SBF1: variants seen among roughly 807,000 people sequenced by gnomAD.
SBF1 encodes myotubularin-related protein 5.
SBF1 carries 65 observed loss-of-function variants against 215.8 expected under a neutral mutation model. The observed-to-expected ratio is 0.30, with a 90% CI of 0.25 to 0.37. SBF1 has a LOEUF of 0.37. Ranked by LOEUF, SBF1 falls within the 10% of genes least tolerant of loss-of-function variation. SBF1 has a pLI of 1.00. For missense variants in SBF1, 2,634 were observed against 2,667.8 expected, an observed-to-expected ratio of 0.99 and a Z score of 0.28; for synonymous variants, 1,410 against 1,122.8, an observed-to-expected ratio of 1.26 and a Z score of -5.11.
rs377712061 is a variant in SBF1 at position 50,460,137 on chromosome 22, G to A, written c.3306C>T (p.Ser1102=). The A allele has an allele frequency of 2.2e-5, 35 of 1,612,090 alleles. No homozygotes were observed. Among genetic ancestry groups the A allele is most frequent in the Non-Finnish European group, 4.2e-6 (5 of 1,179,980 alleles). The stretch of plus-strand genomic sequence containing the variant: ...TCAGGGCTGAGGACGGGGTCAGCGT[G>A]CTGGGCTCCAGCTCCTCCGACACTG... ...EISVSEELEP[S]TLTPSSALKP... Residue 1102 remains serine (S), a synonymous_variant, in exon 26 of 41, where the codon AGC becomes AGT. Coordinates refer to ENST00000380817, the MANE Select transcript of SBF1 (RefSeq NM_002972.4).
At position 50,463,352 on chromosome 22, in the gene SBF1, C is replaced by T; in HGVS notation, c.1830G>A (p.Gln610=). ...CLAQELHLHV[Q]QNRAVLDHQQ... Reference sequence around the variant, plus strand: ...GGTGGTCCAGGACCGCACGGTTCTGCTGCACATGCAGGTGCAGCTCCTGGG... The same window carrying T: ...GGTGGTCCAGGACCGCACGGTTCTGTTGCACATGCAGGTGCAGCTCCTGGG... Residue 610 remains glutamine (Q), a synonymous_variant, in exon 16 of 41, where the codon CAG becomes CAA. Transcript: ENST00000380817. 6.2e-7 allele frequency: 1 copy of T among 1,611,250 alleles called. No individual in the cohort carries two copies. Among genetic ancestry groups the T allele is most frequent in the South Asian group, 1.1e-5 (1 of 90,514 alleles).
rs780807415 is a variant in SBF1, at chr22:50,466,448, G to C, written c.690C>G (p.Ala230=). 1 of 1,552,110 alleles carries C rather than the reference G, an allele frequency of 6.4e-7. No homozygotes were observed. The highest frequency in any genetic ancestry group is 1.2e-5 in the South Asian group (1 of 84,242). ...ITNVLSLFCA[A]LTEHKVLFLS... is the part of the protein sequence containing the mutation. ...GGAAGAGAACCTTGTGCTCCGTGAG[G>C]GCGGCACAGAACAAAGACAGCACGT... The change falls in exon 7 of 41, where the codon GCC becomes GCG. Residue 230 remains alanine (A), a synonymous_variant. Transcript: ENST00000380817.
At chr22:50,467,175 G>C in intron 5 of SBF1, 163 bp downstream of exon 5, 1 of 625,200 alleles carries the variant, frequency 1.6e-6, no homozygotes, top group Non-Finnish European at 2.8e-6. Flanking sequence ...CGAGGGCCAG[G>C]TAAGCAGGCC....
rs373900344 is a variant in SBF1 at position 50,464,745 on chromosome 22, G to C, written c.1432-7C>G. 13 of 1,608,424 alleles carry C rather than the reference G, an allele frequency of 8.1e-6. No individual in the cohort carries two copies. Among genetic ancestry groups the C allele is most frequent in the Admixed American group, 1.7e-5 (1 of 59,854 alleles). ...CGGCTGGGTACGGGTTCTCCTGTGG[G>C]GAGACGGCAGGTGTGGGGCAGGGGC... On this transcript the variant is annotated splice_region_variant and splice_polypyrimidine_tract_variant and intron_variant, in intron 13 of 40. Coordinates refer to ENST00000380817, the MANE Select transcript of SBF1 (RefSeq NM_002972.4).
rs961520309 is a variant in SBF1 at position 50,447,555 on chromosome 22, G to A, written c.5418C>T (p.Ala1806=). ...TGGTCTTGTCCAGCACGAACCAGCG[G>A]GCCTTCCAAGGCTTCATGAAGGCCC... The part of the protein sequence containing the change: ...KKGAFMKPWK[A]RWFVLDKTKH... The change falls in exon 39 of 41, where the codon GCC becomes GCT. Residue 1806 remains alanine, a synonymous_variant. Transcript: ENST00000380817. 3.7e-6 allele frequency: 6 copies of A among 1,613,244 alleles called. No homozygotes were observed. Among genetic ancestry groups the A allele is most frequent in the Non-Finnish European group, 5.1e-6 (6 of 1,179,814 alleles).
At position 50,464,311 on chromosome 22, in the gene SBF1, A is replaced by T. The variant is rs1279984778; in HGVS notation, c.1749+18T>A. The T allele has an allele frequency of 1.3e-6, 2 of 1,599,802 alleles. No homozygotes were observed. Among genetic ancestry groups the T allele is most frequent in the Non-Finnish European group, 1.7e-6 (2 of 1,168,786 alleles). The stretch of plus-strand genomic sequence containing the variant: ...AAACCCGCTGCCCTGGCCCGGCTGG[A>T]GCCTGCACAGCCCTCACCTTCTTGG... On this transcript the variant is annotated intron_variant, in intron 15 of 40. Coordinates refer to ENST00000380817, the MANE Select transcript of SBF1 (RefSeq NM_002972.4).
At chr22:50,447,709 A>T in intron 38 of SBF1, 100 bp from the exon 39 acceptor site, 1 of 832,170 alleles carries the variant, frequency 1.2e-6, no homozygotes, top group Non-Finnish European at 1.9e-6. Context: ...CCCAGGAGGT[A>T]AGACCAGGCA....
Position 50,474,872 on chromosome 22 carries a change from G to A in SBF1, c.-32C>T, listed in dbSNP as rs551310306. 16 of 1,348,632 alleles carry A rather than the reference G, an allele frequency of 1.2e-5. No homozygotes were observed. The highest frequency in any genetic ancestry group is 2.8e-4 in the Middle Eastern group (1 of 3,612). The allele number at this position is 1,348,632 out of a possible 1,614,324, so 83.5% of individuals were successfully genotyped here. A position where few individuals can be genotyped will look rare whatever the true frequency, so the allele number is the denominator to read the frequency against. The stretch of plus-strand genomic sequence containing the variant: ...GGACGCGGGGCGGCCCGAGGGGCGC[G>A]GGCGGGCTCCGCGGCTCGGGGACTC... On this transcript the variant is annotated 5_prime_UTR_variant, in exon 1 of 41. Transcript: ENST00000380817.
chr22:50,463,630 A>C (rs1326353679), intron 15 of SBF1, among the ~76,000 whole-genome samples, 198 bp from the exon 16 acceptor site: 2 of 152,244 alleles, frequency 1.3e-5, no homozygotes, highest in Admixed American at 1.3e-4. Context: ...TCACCAGGCC[A>C]GACACAAGGA....
chr22:50,466,801 G>A (rs2067781314), intron 5 of SBF1, 91 bp from the exon 6 acceptor site: 4 of 892,474 alleles, frequency 4.5e-6, no homozygotes, highest in Non-Finnish European at 6.8e-6. Flanking sequence ...AGACCCTGGT[G>A]TACTGACAGA....
Position 50,460,027 on chromosome 22 carries a change from C to T in SBF1, c.3416G>A (p.Ser1139Asn). The change falls in exon 26 of 41, where the codon AGC (serine) becomes AAC (asparagine). Residue 1139 changes from serine (S) to asparagine (N), a missense_variant. Ser to Asn is a conservative substitution (Grantham distance 46). Coordinates refer to ENST00000380817, the MANE Select transcript of SBF1 (RefSeq NM_002972.4). ...DYQRLGLGTL[S>N]SSLSRAKSEP... is the part of the protein sequence containing the mutation. ...AGACTTGGCCCGGCTCAGGCTGCTG[C>T]TCAGGGTGCCCAGACCGAGGCGCTG... 2 of 1,614,026 alleles carry T rather than the reference C, an allele frequency of 1.2e-6. No individual in the cohort carries two copies. The highest frequency in any genetic ancestry group is 1.7e-6 in the Non-Finnish European group (2 of 1,179,982).
At chr22:50,469,076 C>G (rs559805905) in intron 1 of SBF1, among the ~76,000 whole-genome samples, 18 of 152,318 alleles carry the variant, frequency 1.2e-4, no homozygotes, top group African/African-American at 4.1e-4. Context: ...AGAACACCAG[C>G]CCCACAGCCA....
chr22:50,454,070 G>A (rs1339334007), intron 36 of SBF1, among the ~76,000 whole-genome samples: 1 of 152,172 alleles, frequency 6.6e-6, no homozygotes, highest in Non-Finnish European at 1.5e-5. Context: ...GGGTAAGAGA[G>A]GCCTCAATGT....
chr22:50,462,795 G>GT (rs2067576673), intron 17 of SBF1, 75 bp downstream of exon 17: 4 of 1,604,624 alleles, frequency 2.5e-6, no homozygotes, highest in Non-Finnish European at 2.6e-6. Context: ...CCACCAGGAA[G>GT]GGGGGCTGGG....
At chr22:50,465,682 C>G (rs1603433801) in intron 10 of SBF1, 81 bp downstream of exon 10, 26 of 1,327,718 alleles carry the variant, frequency 2.0e-5, no homozygotes, top group African/African-American at 1.2e-4. Context: ...GGGTGGGGCC[C>G]TGTGTGTCAG....
Position 50,460,607 on chromosome 22 carries a change from C to T in SBF1, c.3073G>A (p.Ala1025Thr). Reference sequence around the variant, plus strand: ...GTGTGGGCAGAGCCCAAGGTGAACGCAAAGGTGGCCCTGATGTCCGGCGGG... The same window carrying T: ...GTGTGGGCAGAGCCCAAGGTGAACGTAAAGGTGGCCCTGATGTCCGGCGGG... ...RYPPDIRATF[A>T]FTLGSAHTPG... The change falls in exon 24 of 41, where the codon GCG (alanine) becomes ACG (threonine). Residue 1025 changes from alanine (A) to threonine (T), a missense_variant. Coordinates refer to ENST00000380817, the MANE Select transcript of SBF1 (RefSeq NM_002972.4). 1 of 1,614,110 alleles carries T rather than the reference C, an allele frequency of 6.2e-7. No individual in the cohort carries two copies. The highest frequency in any genetic ancestry group is 8.5e-7 in the Non-Finnish European group (1 of 1,180,038).
At position 50,446,859 on chromosome 22, in the gene SBF1, C is replaced by T. The variant is rs750851244; in HGVS notation, c.*283G>A. 2.6e-5 allele frequency: 19 copies of T among 740,098 alleles called. No individual in the cohort carries two copies. The highest frequency in any genetic ancestry group is 6.8e-5 in the African/African-American group (4 of 58,676). The allele number at this position is 740,098 out of a possible 1,614,324, so 45.8% of individuals were successfully genotyped here. A position where few individuals can be genotyped will look rare whatever the true frequency, so the allele number is the denominator to read the frequency against. On this transcript the variant is annotated 3_prime_UTR_variant, in exon 41 of 41. Coordinates refer to ENST00000380817, the MANE Select transcript of SBF1 (RefSeq NM_002972.4). ...CTGGTTCTAGAAACTCGCCTGCAGCCGCTGGCTGGACCAGCACACGCTGAC... is the reference window on the plus strand; with the variant it reads ...CTGGTTCTAGAAACTCGCCTGCAGCTGCTGGCTGGACCAGCACACGCTGAC...
chr22:50,446,992 G>A lies in SBF1; in HGVS notation c.*150C>T, dbSNP rs992910910. The A allele has an allele frequency of 9.3e-6, 7 of 756,454 alleles. No individual in the cohort carries two copies. Among genetic ancestry groups the A allele is most frequent in the African/African-American group, 5.2e-5 (3 of 58,102 alleles). 46.9% of individuals were successfully genotyped at this position (756,454 alleles called of 1,614,324 possible). A position where few individuals can be genotyped will look rare whatever the true frequency, so the allele number is the denominator to read the frequency against. On this transcript the variant is annotated 3_prime_UTR_variant, in exon 41 of 41. Coordinates refer to ENST00000380817, the MANE Select transcript of SBF1 (RefSeq NM_002972.4). The stretch of plus-strand genomic sequence containing the variant: ...GTTAGGGCCGGCCGGGCGGGGCGGG[G>A]CGGGGACGGGGGCTGTACACACAAG...
intron 17 of SBF1, 38 bp downstream of exon 17, chr22:50,462,832 G>A: frequency 6.2e-7 from 1 of 1,608,074 alleles, no homozygotes. Context: ...CCAGGAAGGG[G>A]GGGCTGGGAA....
Sources: gnomAD v4.1 joint callset for allele counts (sites outside exome capture counted in the v4.1 genomes callset) on GRCh38, gnomAD v4.1.1 for gene constraint, MANE v1.5 for transcripts, NCBI Gene and HGNC (gene_info 2026-07-23, HGNC 2026-07-21) for gene names.